Variants in TLK1 observed in about 807,000 individuals in gnomAD.
TLK1 encodes serine/threonine-protein kinase tousled-like 1.
Under a neutral mutation model 105.3 loss-of-function variants are expected in TLK1, and 24 were observed. The ratio of observed to expected loss-of-function variants is 0.23; its 90% CI spans 0.17 to 0.32. TLK1 has a LOEUF of 0.32. Ranked by LOEUF, TLK1 falls within the 10% of genes least tolerant of loss-of-function variation. TLK1 has a pLI of 1.00. For missense variants in TLK1, 558 were observed against 910.5 expected, an observed-to-expected ratio of 0.61 and a Z score of 4.98; for synonymous variants, 321 against 310.4, an observed-to-expected ratio of 1.03 and a Z score of -0.36.
chr2:171,007,464 A>G (rs1684700023), intron 14 of TLK1, among the ~76,000 whole-genome samples: 1 of 151,912 alleles, frequency 6.6e-6, no homozygotes, highest in African/African-American at 2.4e-5. Context: ...TTTCCTAGCA[A>G]CCCCCTATTT....
intron 12 of TLK1, among the ~76,000 whole-genome samples, chr2:171,027,256 A>AT: frequency 6.6e-6 from 1 of 152,266 alleles, no homozygotes; most frequent in South Asian, 2.1e-4. Context: ...TTTACCTATA[A>AT]TTCAGCCTAT....
chr2:171,142,505 G>A lies in TLK1; in HGVS notation c.139+17785C>T, dbSNP rs145755741. Among the ~76,000 whole-genome samples the A allele has an allele frequency of 1.9e-3, 289 of 151,904 alleles. 4 individuals are homozygous for A. Among genetic ancestry groups the A allele is most frequent in the African/African-American group, 6.4e-3 (263 of 41,402 alleles). On this transcript the variant is annotated intron_variant, in intron 1 of 20. Coordinates refer to ENST00000431350, the MANE Select transcript of TLK1 (RefSeq NM_012290.5). ...TAACACTAGATTAAAAACACTACAA[G>A]GTAAAATGCAATACTGAGATAAAGA... is the stretch of plus-strand genomic sequence containing the variant.
intron 18 of TLK1, among the ~76,000 whole-genome samples, chr2:170,998,914 G>T (rs967121871): frequency 2.6e-5 from 4 of 152,192 alleles, no homozygotes; most frequent in Admixed American, 2.6e-4. Flanking sequence ...GACTACAGAC[G>T]TGCACCAGCA....
intron 1 of TLK1, among the ~76,000 whole-genome samples, chr2:171,204,369 G>T (rs1293314232): frequency 6.6e-6 from 1 of 152,164 alleles, no homozygotes; most frequent in Non-Finnish European, 1.5e-5. Flanking sequence ...TTAAATTCTA[G>T]TAACCACTAA....
upstream of TLK1, among the ~76,000 whole-genome samples, chr2:171,163,784 G>T (rs189330431): frequency 3.8e-4 from 57 of 151,896 alleles, no homozygotes; most frequent in Non-Finnish European, 7.9e-4. Context: ...GGAGTGCAGT[G>T]GTGCAATCTT....
At chr2:171,024,473 A>G (rs1685681508) in intron 12 of TLK1, among the ~76,000 whole-genome samples, 1 of 152,186 alleles carries the variant, frequency 6.6e-6, no homozygotes, top group Admixed American at 6.5e-5. Context: ...TGTAATGAAA[A>G]TGAAATAGCA....
chr2:171,048,453 C>T (rs1341308656), intron 10 of TLK1, among the ~76,000 whole-genome samples: 2 of 152,204 alleles, frequency 1.3e-5, no homozygotes, highest in Non-Finnish European at 2.9e-5. Flanking sequence ...TTAGTTCATG[C>T]TTTAATCACC....
At chr2:171,040,396 T>C (rs1488975398) in intron 11 of TLK1, among the ~76,000 whole-genome samples, 3 of 152,134 alleles carry the variant, frequency 2.0e-5, no homozygotes, top group East Asian at 1.9e-4. Context: ...ATGTTGACAG[T>C]AGAAGAGAAT....
chr2:171,187,939 T>G (rs746872928), intron 1 of TLK1, among the ~76,000 whole-genome samples: 59 of 152,252 alleles, frequency 3.9e-4, no homozygotes, highest in Non-Finnish European at 4.1e-4. Context: ...AAAAAGAAAC[T>G]TCATGTTGAG....
chr2:171,174,128 T>C (rs143131485), intron 1 of TLK1, among the ~76,000 whole-genome samples: 23 of 152,356 alleles, frequency 1.5e-4, no homozygotes, highest in Middle Eastern at 3.4e-3. Context: ...TTCTTTTTCA[T>C]CTTTTTAATC....
At chr2:171,128,751 T>C (rs1210146081) in intron 1 of TLK1, among the ~76,000 whole-genome samples, 1 of 152,082 alleles carries the variant, frequency 6.6e-6, no homozygotes, top group Admixed American at 6.5e-5. Flanking sequence ...TACATGTACA[T>C]GTATATATAT....
chr2:171,141,159 A>T (rs1691558085), intron 1 of TLK1, among the ~76,000 whole-genome samples: 1 of 152,210 alleles, frequency 6.6e-6, no homozygotes, highest in Admixed American at 6.5e-5. Context: ...GAGTACCAGG[A>T]GGAAAGAAGA....
intron 1 of TLK1, among the ~76,000 whole-genome samples, chr2:171,147,531 T>G (rs1436468375): frequency 6.6e-6 from 1 of 151,826 alleles, no homozygotes; most frequent in Non-Finnish European, 1.5e-5. Flanking sequence ...CATGCTCCAC[T>G]GCACCTGGCT....
At chr2:171,124,019 G>C (rs191467740) in intron 1 of TLK1, among the ~76,000 whole-genome samples, 11 of 152,310 alleles carry the variant, frequency 7.2e-5, no homozygotes, top group Admixed American at 5.2e-4. Context: ...TCACAGTGCA[G>C]ATTAATTACT....
chr2:171,168,466 C>T (rs1391120903), intron 1 of TLK1, among the ~76,000 whole-genome samples: 1 of 152,078 alleles, frequency 6.6e-6, no homozygotes, highest in South Asian at 2.1e-4. Flanking sequence ...TTTCATGATC[C>T]AGGTGCTGAT....
intron 2 of TLK1, among the ~76,000 whole-genome samples, chr2:171,111,866 T>C (rs753748091): frequency 6.6e-6 from 1 of 152,240 alleles, no homozygotes; most frequent in African/African-American, 2.4e-5. Context: ...ATTCTTCCAG[T>C]TGGCACATTC....
intron 1 of TLK1, among the ~76,000 whole-genome samples, chr2:171,157,544 T>C (rs1307932819): frequency 6.6e-6 from 1 of 152,230 alleles, no homozygotes; most frequent in Non-Finnish European, 1.5e-5. Context: ...CATAATTTCC[T>C]AAATTCTAAT....
rs1418907278 is a variant in TLK1 at position 171,017,271 on chromosome 2, T to G, written c.1237-2323A>C. 2.0e-5 allele frequency among the ~76,000 whole-genome samples: 3 copies of G among 151,984 alleles called. No homozygotes were observed. In the East Asian group the frequency reaches 5.8e-4, roughly 29 times the overall value. ...GATTCAATTCTAATCTAGACTAGAA[T>G]CTAGAAAGCAATGACTCTTTCCCTT... On this transcript the variant is annotated intron_variant, in intron 12 of 20. Coordinates refer to ENST00000431350, the MANE Select transcript of TLK1 (RefSeq NM_012290.5).
At chr2:171,040,137 AAAG>A (rs1382150084) in intron 11 of TLK1, among the ~76,000 whole-genome samples, 1 of 152,208 alleles carries the variant, frequency 6.6e-6, no homozygotes, top group African/African-American at 2.4e-5. Flanking sequence ...GGTGAGAAAA[AAAG>A]AAAAAGGGGG....
Sources: allele counts gnomAD v4.1 joint callset (sites outside exome capture counted in the v4.1 genomes callset), GRCh38; gene constraint gnomAD v4.1.1; transcripts MANE v1.5; gene names NCBI Gene and HGNC (gene_info 2026-07-23, HGNC 2026-07-21).